Variants in ZNF217 observed in about 807,000 individuals in gnomAD.
ZNF217 encodes zinc finger protein 217.
A neutral mutation model predicts 73.3 loss-of-function variants in ZNF217; 12 were observed. The observed-to-expected ratio is 0.16, with a 90% confidence interval of 0.10 to 0.27. The LOEUF is 0.27. ZNF217 is among the 10% of genes least tolerant of loss of function. The pLI, the probability that ZNF217 is intolerant of heterozygous loss-of-function variation, is 1.00. For missense variants in ZNF217, 1,195 were observed against 1,327.8 expected (o/e 0.90, Z 1.55); for synonymous variants, 588 against 516.4 (o/e 1.14, Z -1.88).
At position 53,576,092 on chromosome 20, in the gene ZNF217, G is replaced by A. The variant is rs1034323001; in HGVS notation, c.2672C>T (p.Pro891Leu). ...SIDYPAKNDS[P>L]WAPPGRDYFC... ...ATAGTCTCTTCCCGGAGGTGCCCAC[G>A]GGCTGTCGTTCTTGGCGGGGTAGTC... is the stretch of plus-strand genomic sequence containing the variant. The change falls in exon 4 of 6, where the codon CCG (proline) becomes CTG (leucine). Residue 891 changes from proline (P) to leucine (L), a missense_variant. This residue lies in a region of ZNF217 where 649 missense variants were observed against 642.8 expected (regional missense o/e 1.01). Transcript: ENST00000371471. 1.5e-5 allele frequency: 25 copies of A among 1,614,084 alleles called. No individual in the cohort carries two copies. The highest frequency in any genetic ancestry group is 3.3e-5 in the South Asian group (3 of 91,090).
chr20:53,581,213 A>AT lies in ZNF217; in HGVS notation c.1366+247_1366+248insA, dbSNP rs112583283. 7.3e-3 allele frequency among the ~76,000 whole-genome samples: 1,117 copies of AT among 152,170 alleles called. 3 individuals carry two copies. Among genetic ancestry groups the AT allele is most frequent in the Non-Finnish European group, 0.012 (791 of 68,016 alleles). ...TGAGCAAAACGATACACGTTTAAAA[A>AT]ATATATATATATTTTCAGAACAAGG... is the stretch of plus-strand genomic sequence containing the variant. On this transcript the variant is annotated intron_variant, in intron 2 of 5. Transcript: ENST00000371471. The surrounding 1 kb of genome is among the most constrained non-coding windows in gnomAD (Gnocchi z 4.9).
chr20:53,581,377 T>C lies in ZNF217; in HGVS notation c.1366+84A>G. ...CAAACCCCATTCCTGGCCAGCGTTG[T>C]CTGGAGATGGGAATAGAGAGGGGGA... On this transcript the variant is annotated intron_variant, in intron 2 of 5. Coordinates refer to ENST00000371471, the MANE Select transcript of ZNF217 (RefSeq NM_006526.3). This position sits in a 1 kb window ranked among gnomAD's most constrained non-coding sequence, Gnocchi z 4.9. 4 of 1,503,206 alleles carry C rather than the reference T, an allele frequency of 2.7e-6. No individual in the cohort carries two copies. The highest frequency in any genetic ancestry group is 3.5e-6 in the Non-Finnish European group (4 of 1,129,752). 93.1% of individuals were successfully genotyped at this position (1,503,206 alleles called of 1,614,324 possible). A position where few individuals can be genotyped will look rare whatever the true frequency, so the allele number is the denominator to read the frequency against.
rs1037509117 is a variant in ZNF217 at position 53,582,111 on chromosome 20, G to A, written c.716C>T (p.Thr239Ile). 2.5e-6 allele frequency: 4 copies of A among 1,614,166 alleles called. No individual in the cohort carries two copies. In the African/African-American group the frequency reaches 5.3e-5, roughly 22 times the overall value. The stretch of plus-strand genomic sequence containing the variant: ...GCTGGTACCGAAAGCAGTTTTTTTG[G>A]TGTGCACCTTGCGGTGCTCAATTAG... ...ESLIEHRKVH[T>I]KKTAFGTSSA... is the part of the protein sequence containing the mutation. Residue 239 changes from threonine to isoleucine, a missense_variant, in exon 2 of 6, where the codon ACC becomes ATC. Thr to Ile is a moderately conservative substitution (Grantham distance 89). Coordinates refer to ENST00000371471, the MANE Select transcript of ZNF217 (RefSeq NM_006526.3). This position sits in a 1 kb window ranked among gnomAD's most constrained non-coding sequence, Gnocchi z 4.8.
At chr20:53,595,682 C>A (rs1482887324), upstream of ZNF217, among the ~76,000 whole-genome samples, 3 of 152,174 alleles carry the variant, frequency 2.0e-5, no homozygotes, top group African/African-American at 7.2e-5. Context: ...TTTTTTCACT[C>A]AAGTCCACTG....
At chr20:53,572,139 G>A (rs1357547458) in intron 4 of ZNF217, among the ~76,000 whole-genome samples, 1 of 152,162 alleles carries the variant, frequency 6.6e-6, no homozygotes, top group Non-Finnish European at 1.5e-5. Context: ...AAACGTATAT[G>A]CATCATGAAC....
rs867866273 is a variant in ZNF217, at chr20:53,571,735, A to C, written c.*9T>G. 1.9e-6 allele frequency: 3 copies of C among 1,605,752 alleles called. No homozygotes were observed. Among genetic ancestry groups the C allele is most frequent in the Middle Eastern group, 3.3e-4 (2 of 6,028 alleles). The stretch of plus-strand genomic sequence containing the variant: ...CATATGCTCACCTTTTTTCCCCCTA[A>C]TTAGTGAATCAAGTTTTTTTGTCAT... On this transcript the variant is annotated 3_prime_UTR_variant, in exon 5 of 6. Coordinates refer to ENST00000371471, the MANE Select transcript of ZNF217 (RefSeq NM_006526.3).
At chr20:53,569,341 G>T in intron 5 of ZNF217, 77 bp from the exon 6 acceptor site, 2 of 1,072,162 alleles carry the variant, frequency 1.9e-6, no homozygotes, top group Non-Finnish European at 2.4e-6. Context: ...TTAAAAAAGC[G>T]TAATACATAG....
At position 53,568,661 on chromosome 20, in the gene ZNF217, A is replaced by T. The variant is rs1203673392; in HGVS notation, c.*627T>A. The T allele has an allele frequency of 2.0e-5, 3 of 152,272 alleles. No homozygotes were observed. Among genetic ancestry groups the T allele is most frequent in the Non-Finnish European group, 4.4e-5 (3 of 68,118 alleles). 9.4% of individuals were successfully genotyped at this position (152,272 alleles called of 1,614,324 possible). On this transcript the variant is annotated 3_prime_UTR_variant, in exon 6 of 6. Transcript: ENST00000371471. ...TGGCTGACCTCGATATCTGCAGCAC[A>T]TATCATAGAGGGTCAATACTTCCAT...
Position 53,569,085 on chromosome 20 carries a change from G to A in ZNF217, c.*203C>T. On this transcript the variant is annotated 3_prime_UTR_variant, in exon 6 of 6. Transcript: ENST00000371471. ...CCAACTGTTCCAACTAGTTTGTATT[G>A]CTATTTGGTACAAAAGTTAACAGAA... The A allele has an allele frequency of 1.6e-6, 2 of 1,243,688 alleles. No homozygotes were observed. The highest frequency in any genetic ancestry group is 1.0e-6 in the Non-Finnish European group (1 of 960,106). The allele number at this position is 1,243,688 out of a possible 1,614,324, so 77.0% of individuals were successfully genotyped here. A position where few individuals can be genotyped will look rare whatever the true frequency, so the allele number is the denominator to read the frequency against.
rs183154115 is a variant in ZNF217, at chr20:53,593,521, G to C, written c.-343+235C>G. On this transcript the variant is annotated intron_variant, in intron 1 of 5. Coordinates refer to ENST00000371471, the MANE Select transcript of ZNF217 (RefSeq NM_006526.3). The stretch of plus-strand genomic sequence containing the variant: ...CTGAATCGTGCGGCGTGAGTGTGAC[G>C]GCCAAGAGCGGATGCAGCCCGGGAT... 7.7e-3 allele frequency among the ~76,000 whole-genome samples: 1,169 copies of C among 151,552 alleles called. 12 individuals carry two copies. Among genetic ancestry groups the C allele is most frequent in the African/African-American group, 0.026 (1,095 of 41,330 alleles).
chr20:53,589,703 G>C (rs977174598), intron 1 of ZNF217, among the ~76,000 whole-genome samples: 1 of 152,170 alleles, frequency 6.6e-6, no homozygotes, highest in Admixed American at 6.5e-5. Flanking sequence ...GTTATTACTG[G>C]TTGGGGAAAA....
chr20:53,591,348 A>AC (rs1403042590), intron 1 of ZNF217, among the ~76,000 whole-genome samples: 1 of 152,242 alleles, frequency 6.6e-6, no homozygotes, highest in Non-Finnish European at 1.5e-5. Context: ...CTTGTCCTCT[A>AC]CTTCCTCCTT....
At chr20:53,570,874 C>T (rs1357412667) in intron 5 of ZNF217, among the ~76,000 whole-genome samples, 1 of 152,168 alleles carries the variant, frequency 6.6e-6, no homozygotes, top group Non-Finnish European at 1.5e-5. Flanking sequence ...ACAGGCAGAG[C>T]GGGGCTTTGA....
intron 4 of ZNF217, among the ~76,000 whole-genome samples, chr20:53,573,047 A>G (rs1386698221): frequency 6.6e-6 from 1 of 151,912 alleles, no homozygotes; most frequent in African/African-American, 2.4e-5. Flanking sequence ...CAGCCAACAG[A>G]TACCAAAATC....
In ZNF217 at chr20:53,567,138, A is replaced by C. The variant is rs1987775346; in HGVS notation, c.*2150T>G. 1 of 152,526 alleles carries C rather than the reference A, an allele frequency of 6.6e-6. No individual in the cohort carries two copies. The highest frequency in any genetic ancestry group is 6.5e-5 in the Admixed American group (1 of 15,274). 9.4% of individuals were successfully genotyped at this position (152,526 alleles called of 1,614,324 possible). A position where few individuals can be genotyped will look rare whatever the true frequency, so the allele number is the denominator to read the frequency against. On this transcript the variant is annotated 3_prime_UTR_variant, in exon 6 of 6. Transcript: ENST00000371471. ...ACATAACTTTAAGCTGAAATATATC[A>C]TAAATAAAACAAGTAATGTCTACTG...
chr20:53,580,255 C>T (rs1988436549), intron 2 of ZNF217, among the ~76,000 whole-genome samples: 1 of 152,174 alleles, frequency 6.6e-6, no homozygotes, highest in Non-Finnish European at 1.5e-5. Context: ...AAGGAAGAGT[C>T]CAATCAATCG....
Position 53,581,326 on chromosome 20 carries a change from A to G in ZNF217, c.1366+135T>C. 2 of 1,265,910 alleles carry G rather than the reference A, an allele frequency of 1.6e-6. No individual in the cohort carries two copies. The highest frequency in any genetic ancestry group is 2.7e-5 in the Admixed American group (1 of 37,714). The allele number at this position is 1,265,910 out of a possible 1,614,324, so 78.4% of individuals were successfully genotyped here. On this transcript the variant is annotated intron_variant, in intron 2 of 5. Transcript: ENST00000371471. This position sits in a 1 kb window ranked among gnomAD's most constrained non-coding sequence, Gnocchi z 4.9. ...TGACTTACACAGAGTGATACCAAAAAGAGCCTGGACTTGACTCTGGCTCTC... is the reference window on the plus strand; with the variant it reads ...TGACTTACACAGAGTGATACCAAAAGGAGCCTGGACTTGACTCTGGCTCTC...
At chr20:53,583,957 G>T (rs1284680373) in intron 1 of ZNF217, among the ~76,000 whole-genome samples, 2 of 152,222 alleles carry the variant, frequency 1.3e-5, no homozygotes, top group African/African-American at 4.8e-5. Context: ...CTTTGTGAAT[G>T]TATAGATTTA....
Position 53,571,987 on chromosome 20 carries a change from CAAGT to C in ZNF217, c.3038-138_3038-135del, listed in dbSNP as rs1988032326. The C allele has an allele frequency of 5.4e-6, 4 of 745,602 alleles. No individual in the cohort carries two copies. In the African/African-American group the frequency reaches 6.7e-5, roughly 12 times the overall value. 46.2% of individuals were successfully genotyped at this position (745,602 alleles called of 1,614,324 possible). On this transcript the variant is annotated intron_variant, in intron 4 of 5. Transcript: ENST00000371471. ...AACGCCTAAGTCACACAGTCGCATG[CAAGT>C]GTTTTCAGTTACAGCTGAATTGTTT...
Sources: allele counts gnomAD v4.1 joint callset (sites outside exome capture counted in the v4.1 genomes callset), GRCh38; gene constraint gnomAD v4.1.1; regional missense constraint gnomAD v4.1.1; non-coding constraint Gnocchi (gnomAD v3.1); transcripts MANE v1.5; gene names NCBI Gene and HGNC (gene_info 2026-07-23, HGNC 2026-07-21).